GJB7: variants seen among roughly 807,000 people sequenced by gnomAD.
GJB7 encodes gap junction beta-7 protein.
For synonymous variants in GJB7, 87 were observed against 95.2 expected (o/e 0.91, Z 0.50); for missense variants, 253 against 256.8 (o/e 0.99, Z 0.10).
At chr6:87,301,428 A>T (rs377630915) in intron 2 of GJB7, among the ~76,000 whole-genome samples, 1 of 152,280 alleles carries the variant, frequency 6.6e-6, no homozygotes, top group East Asian at 1.9e-4. Context: ...AGCCTCACTC[A>T]TTGCTAGCAC....
intron 1 of GJB7, among the ~76,000 whole-genome samples, chr6:87,328,604 C>G (rs1776902841): frequency 6.6e-6 from 1 of 152,302 alleles, no homozygotes; most frequent in African/African-American, 2.4e-5. Flanking sequence ...AGGCAGTCTG[C>G]CTGTTCTCAG....
At chr6:87,323,672 CATT>C (rs1017048596) in intron 1 of GJB7, among the ~76,000 whole-genome samples, 165 of 152,164 alleles carry the variant, frequency 1.1e-3, no homozygotes, top group African/African-American at 3.7e-3. Flanking sequence ...TCCAGTCTAT[CATT>C]GTTGGACATT....
chr6:87,325,948 G>C (rs558953619), intron 1 of GJB7, among the ~76,000 whole-genome samples: 50 of 152,332 alleles, frequency 3.3e-4, no homozygotes, highest in Middle Eastern at 3.4e-3. Flanking sequence ...TTCAGCTCCT[G>C]TTATTGGTCT....
At chr6:87,300,008 AAGAC>A in intron 2 of GJB7, 1 of 335,438 alleles carries the variant, frequency 3.0e-6, no homozygotes, top group Non-Finnish European at 5.9e-6. Context: ...GAATGAATGA[AAGAC>A]AGAGTTACAG....
intron 2 of GJB7, among the ~76,000 whole-genome samples, chr6:87,305,893 C>A (rs906515913): frequency 6.6e-6 from 1 of 152,192 alleles, no homozygotes; most frequent in South Asian, 2.1e-4. Context: ...ACCATCTGAT[C>A]TTTGACAAAT....
chr6:87,291,089 C>T (rs1258805719), intron 2 of GJB7, among the ~76,000 whole-genome samples: 2 of 152,158 alleles, frequency 1.3e-5, no homozygotes, highest in African/African-American at 4.8e-5. Context: ...GCCCACAGAA[C>T]AAGTGAGCCT....
chr6:87,299,928 A>G (rs1476929819), intron 2 of GJB7: 1 of 297,836 alleles, frequency 3.4e-6, no homozygotes, highest in Non-Finnish European at 6.8e-6. Flanking sequence ...GAAAAACTGA[A>G]TGTATGTCTG....
intron 2 of GJB7, among the ~76,000 whole-genome samples, chr6:87,298,335 G>A (rs537456674): frequency 6.6e-6 from 1 of 152,300 alleles, no homozygotes; most frequent in South Asian, 2.1e-4. Flanking sequence ...AAGCAGCACA[G>A]GCCAAGAAGT....
At chr6:87,306,532 C>G (rs1776430008) in intron 2 of GJB7, among the ~76,000 whole-genome samples, 2 of 152,114 alleles carry the variant, frequency 1.3e-5, no homozygotes, top group Admixed American at 6.5e-5. Context: ...ACAACAGGTG[C>G]TGGAGAGGCT....
At chr6:87,327,320 G>A (rs1312805774) in intron 1 of GJB7, among the ~76,000 whole-genome samples, 3 of 151,700 alleles carry the variant, frequency 2.0e-5, no homozygotes, top group African/African-American at 4.9e-5. Context: ...ATGTTAGCTC[G>A]TTATTTTGCT....
At chr6:87,308,725 T>G (rs946516125) in intron 2 of GJB7, among the ~76,000 whole-genome samples, 1 of 151,812 alleles carries the variant, frequency 6.6e-6, no homozygotes, top group African/African-American at 2.4e-5. Flanking sequence ...CAAGGAGGAT[T>G]AACACAAAGG....
intron 2 of GJB7, among the ~76,000 whole-genome samples, chr6:87,312,320 T>C (rs2127908065): frequency 6.6e-6 from 1 of 151,942 alleles, no homozygotes; most frequent in East Asian, 1.9e-4. Context: ...AAGACCAGCC[T>C]GGCCAAGATG....
intron 2 of GJB7, among the ~76,000 whole-genome samples, chr6:87,297,493 T>C (rs1776263986): frequency 6.6e-6 from 1 of 152,144 alleles, no homozygotes; most frequent in Non-Finnish European, 1.5e-5. Context: ...TCATTCCCAG[T>C]GTAAATATTA....
chr6:87,302,255 A>G (rs2127903372), intron 2 of GJB7, among the ~76,000 whole-genome samples: 1 of 152,030 alleles, frequency 6.6e-6, no homozygotes, highest in Admixed American at 6.5e-5. Flanking sequence ...GTTCGAATGC[A>G]TCGCAAAGAA....
intron 1 of GJB7, among the ~76,000 whole-genome samples, chr6:87,324,721 TC>T (rs1410264535): frequency 7.9e-5 from 12 of 152,050 alleles, no homozygotes; most frequent in Non-Finnish European, 1.6e-4. Context: ...CCAGCTTTGT[TC>T]TTTTGGCTTA....
intron 2 of GJB7, among the ~76,000 whole-genome samples, chr6:87,306,441 C>T (rs1161798627): frequency 1.3e-5 from 2 of 152,142 alleles, no homozygotes; most frequent in African/African-American, 2.4e-5. Context: ...CCATCTCTGG[C>T]CATCAGAGAA....
Position 87,284,638 on chromosome 6 carries a change from A to G in GJB7, c.275T>C (p.Val92Ala), listed in dbSNP as rs763449682. The G allele has an allele frequency of 5.6e-6, 9 of 1,614,052 alleles. No homozygotes were observed. In the African/African-American group the frequency reaches 1.2e-4, roughly 22 times the overall value. ...ACCCTCATGATAGGCTACATGTAAA[A>G]CCACCAGAAGTGAAGGTGTGGAGAC... ...IMVSTPSLLV[V>A]LHVAYHEGRE... Residue 92 changes from valine to alanine, a missense_variant, in exon 3 of 3, where the codon GTT becomes GCT. By Grantham distance (64) the Val-to-Ala change is moderately conservative. Coordinates refer to ENST00000525899, the MANE Select transcript of GJB7 (RefSeq NM_198568.3).
intron 2 of GJB7, among the ~76,000 whole-genome samples, chr6:87,313,174 T>C (rs79060297): frequency 1.3e-5 from 2 of 152,308 alleles, no homozygotes; most frequent in Non-Finnish European, 1.5e-5. Flanking sequence ...TAACAACTTC[T>C]AAATGATTTG....
intron 2 of GJB7, among the ~76,000 whole-genome samples, chr6:87,305,880 A>G (rs1417796442): frequency 6.6e-6 from 1 of 152,242 alleles, no homozygotes; most frequent in African/African-American, 2.4e-5. Context: ...CCACACATCT[A>G]CAACCATCTG....
Sources: gnomAD v4.1 joint callset for allele counts (sites outside exome capture counted in the v4.1 genomes callset) on GRCh38, gnomAD v4.1.1 for gene constraint, MANE v1.5 for transcripts, NCBI Gene and HGNC (gene_info 2026-07-23, HGNC 2026-07-21) for gene names.